Variants in PRKCE observed in about 807,000 individuals in gnomAD.
PRKCE encodes protein kinase C epsilon type.
A neutral mutation model predicts 85.4 loss-of-function variants in PRKCE; 16 were observed. That is an observed-to-expected ratio of 0.19 (90% CI 0.13 to 0.28). The LOEUF (loss-of-function observed/expected upper bound fraction) is 0.28, where lower values mean the gene tolerates loss of function less well. PRKCE is among the 10% of genes least tolerant of loss of function. The pLI is 1.00. For synonymous variants in PRKCE, 388 were observed against 371.5 expected (o/e 1.04, Z -0.51); for missense variants, 573 against 975.2 (o/e 0.59, Z 5.49).
At chr2:46,106,695 G>A (rs774739649) in intron 11 of PRKCE, among the ~76,000 whole-genome samples, 3 of 152,184 alleles carry the variant, frequency 2.0e-5, no homozygotes, top group Non-Finnish European at 4.4e-5. Flanking sequence ...GTGTCTGAAT[G>A]TCCACTTCTT....
chr2:45,853,754 A>C (rs1412593089), intron 2 of PRKCE, among the ~76,000 whole-genome samples: 3 of 152,192 alleles, frequency 2.0e-5, no homozygotes, highest in African/African-American at 7.2e-5. Context: ...TGCTTTGGAT[A>C]ATCGGTTCTT....
rs769784812 is a variant in PRKCE, at chr2:45,895,219, C to G, written c.412+52156C>G. Among the ~76,000 whole-genome samples, 41 of 152,162 alleles carry G rather than the reference C, an allele frequency of 2.7e-4. No individual in the cohort carries two copies. Among genetic ancestry groups the G allele is most frequent in the Non-Finnish European group, 5.1e-4 (35 of 68,036 alleles). On this transcript the variant is annotated intron_variant, in intron 2 of 14. Coordinates refer to ENST00000306156, the MANE Select transcript of PRKCE (RefSeq NM_005400.3). This position sits in a 1 kb window ranked among gnomAD's most constrained non-coding sequence, Gnocchi z 4.8. ...GGATGAGGCACATGTTTCTAGACTA[C>G]TCTCCATTTTATTTTCTCACTTCTG...
intron 14 of PRKCE, chr2:46,160,014 AATTT>A: frequency 2.4e-6 from 1 of 410,646 alleles, no homozygotes; most frequent in Non-Finnish European, 4.3e-6. Context: ...ACAGAGATTC[AATTT>A]ATTTATTTTG....
At chr2:45,710,475 T>G (rs1679530424) in intron 1 of PRKCE, among the ~76,000 whole-genome samples, 1 of 152,234 alleles carries the variant, frequency 6.6e-6, no homozygotes, top group South Asian at 2.1e-4. Flanking sequence ...TCCTAGATGG[T>G]CTGGTCTCAG....
At chr2:46,046,634 CTGG>C (rs1357299798) in intron 10 of PRKCE, among the ~76,000 whole-genome samples, 1 of 152,168 alleles carries the variant, frequency 6.6e-6, no homozygotes, top group Non-Finnish European at 1.5e-5. Context: ...TGGGTTCTTC[CTGG>C]TAAGAGTTTA....
At chr2:45,766,056 G>C (rs1488963280) in intron 1 of PRKCE, among the ~76,000 whole-genome samples, 1 of 152,228 alleles carries the variant, frequency 6.6e-6, no homozygotes, top group Non-Finnish European at 1.5e-5. Flanking sequence ...ACTGGAGATA[G>C]GGGAGATTAT....
At chr2:46,107,349 A>C (rs1671826379) in intron 11 of PRKCE, among the ~76,000 whole-genome samples, 2 of 152,162 alleles carry the variant, frequency 1.3e-5, no homozygotes, top group Admixed American at 1.3e-4. Flanking sequence ...TCTTATTTTT[A>C]AATAATATTC....
At chr2:45,827,261 G>A (rs1250169019) in intron 1 of PRKCE, among the ~76,000 whole-genome samples, 1 of 152,194 alleles carries the variant, frequency 6.6e-6, no homozygotes, top group African/African-American at 2.4e-5. Context: ...GGCTTTCCTG[G>A]ATCAAAGATG....
chr2:46,180,762 C>T (rs1036798368), intron 14 of PRKCE, among the ~76,000 whole-genome samples: 2 of 152,168 alleles, frequency 1.3e-5, no homozygotes, highest in African/African-American at 4.8e-5. Flanking sequence ...CTATAGTGTG[C>T]CTGTTACCAC....
intron 9 of PRKCE, among the ~76,000 whole-genome samples, chr2:46,007,872 A>G (rs1705342040): frequency 6.6e-6 from 1 of 152,184 alleles, no homozygotes; most frequent in East Asian, 1.9e-4. Context: ...GTAGTGATTT[A>G]ATCTCTTTGG....
intron 3 of PRKCE, 45 bp downstream of exon 3, chr2:45,976,633 C>G (rs1702472014): frequency 6.3e-7 from 1 of 1,582,954 alleles, no homozygotes. Flanking sequence ...ATCTCTGTTA[C>G]AAGATGTCGG....
At chr2:46,107,473 A>G (rs1218353753) in intron 11 of PRKCE, among the ~76,000 whole-genome samples, 1 of 152,212 alleles carries the variant, frequency 6.6e-6, no homozygotes, top group Non-Finnish European at 1.5e-5. Flanking sequence ...CTATTGAAGG[A>G]CATCTTACTT....
In PRKCE at chr2:45,884,993, A is replaced by ATTTTT. The variant is rs1294443991; in HGVS notation, c.412+41931_412+41932insTTTTT. On this transcript the variant is annotated intron_variant, in intron 2 of 14. Transcript: ENST00000306156. ...TATATATATATATATATATATATAT[A>ATTTTT]TATATATATTTGTTGTTGTTGTTGT... Among the ~76,000 whole-genome samples, 93 of 68,588 alleles carry ATTTTT rather than the reference A, an allele frequency of 1.4e-3. 6 individuals carry two copies. The East Asian group carries it at 0.022, about 16-fold the overall frequency. 45.0% of individuals were successfully genotyped at this position (68,588 alleles called of 152,430 possible).
At chr2:45,712,137 CTTTTTTTTTT>C (rs34233761) in intron 1 of PRKCE, among the ~76,000 whole-genome samples, 1 of 45,796 alleles carries the variant, frequency 2.2e-5, no homozygotes, top group Admixed American at 3.6e-4. Flanking sequence ...ACGGCCTGTC[CTTTTTTTTTT>C]TTTTTTTTTT....
intron 14 of PRKCE, among the ~76,000 whole-genome samples, chr2:46,161,094 C>G (rs969704676): frequency 6.6e-6 from 1 of 152,224 alleles, no homozygotes; most frequent in Non-Finnish European, 1.5e-5. Flanking sequence ...CACCACAGCT[C>G]CAGGCCCACC....
At chr2:45,840,844 C>G (rs1269103380) in intron 1 of PRKCE, among the ~76,000 whole-genome samples, 1 of 152,182 alleles carries the variant, frequency 6.6e-6, no homozygotes, top group Non-Finnish European at 1.5e-5. Flanking sequence ...GTCGCTTTGT[C>G]TCATGGGGAC....
chr2:45,908,570 G>A (rs1010253804), intron 2 of PRKCE, among the ~76,000 whole-genome samples: 2 of 152,222 alleles, frequency 1.3e-5, no homozygotes, highest in African/African-American at 4.8e-5. Context: ...TGGTCTTGCC[G>A]ATGCTGCTGT....
At chr2:45,659,361 A>G (rs1052542242) in intron 1 of PRKCE, among the ~76,000 whole-genome samples, 1 of 152,114 alleles carries the variant, frequency 6.6e-6, no homozygotes, top group Non-Finnish European at 1.5e-5. Context: ...CTGCCTTCAA[A>G]ATATATCTCA....
chr2:45,685,113 G>A (rs1310979265), intron 1 of PRKCE, among the ~76,000 whole-genome samples: 1 of 152,088 alleles, frequency 6.6e-6, no homozygotes, highest in African/African-American at 2.4e-5. Context: ...CCTAAACACG[G>A]GCCAATGACT....
Sources: gnomAD v4.1 joint callset for allele counts (sites outside exome capture counted in the v4.1 genomes callset) on GRCh38, gnomAD v4.1.1 for gene constraint, Gnocchi (gnomAD v3.1) non-coding constraint, MANE v1.5 for transcripts, NCBI Gene and HGNC (gene_info 2026-07-23, HGNC 2026-07-21) for gene names.